The following SLC8B1 variants were observed in gnomAD, a reference collection of about 807,000 sequenced individuals.
The protein encoded by SLC8B1 is solute carrier family 8 member B1.
SLC8B1 carries 52 observed loss-of-function variants against 63.4 expected under a neutral mutation model. The observed-to-expected ratio is 0.82, with a 90% CI of 0.66 to 1.03. The LOEUF is 1.03. Ranked by LOEUF, SLC8B1 falls within the 50% of genes least tolerant of loss-of-function variation. The pLI is 0.00. For missense variants in SLC8B1, 657 were observed against 741.7 expected (o/e 0.89, Z 1.33); for synonymous variants, 336 against 323.9 (o/e 1.04, Z -0.40).
At chr12:113,317,211 C>T (rs1335949337) in intron 8 of SLC8B1, among the ~76,000 whole-genome samples, 3 of 152,144 alleles carry the variant, frequency 2.0e-5, no homozygotes, top group Non-Finnish European at 2.9e-5. Context: ...TCAATCCTCC[C>T]ACCTCAACCT....
Position 113,310,375 on chromosome 12 carries a change from G to C in SLC8B1, c.1136-20C>G. ...CACCATCTGCAAAGGGAGAGAAAGG[G>C]AGCTGATACCTTCCCAGCACCTCAA... On this transcript the variant is annotated intron_variant, in intron 11 of 15. Transcript: ENST00000680972. The C allele has an allele frequency of 1.9e-6, 3 of 1,608,762 alleles. No homozygotes were observed. The highest frequency in any genetic ancestry group is 2.5e-6 in the Non-Finnish European group (3 of 1,178,230).
At chr12:113,317,126 A>T in intron 8 of SLC8B1, 125 bp from the exon 9 acceptor site, 1 of 834,344 alleles carries the variant, frequency 1.2e-6, no homozygotes, top group South Asian at 1.6e-5. Flanking sequence ...TTGGGACAGG[A>T]TCTTTCTCTG....
At position 113,298,958 on chromosome 12, in the gene SLC8B1, C is replaced by G. The variant is rs1250246039; in HGVS notation, c.*819G>C. On this transcript the variant is annotated 3_prime_UTR_variant, in exon 16 of 16. Transcript: ENST00000680972. ...TCCCAGCTCGCAGGCCTTGGAACCC[C>G]GCCCAGGGCCCCGCTGAGGGAGGCA... 6.6e-6 allele frequency: 1 copy of G among 152,290 alleles called. No homozygotes were observed. Among genetic ancestry groups the G allele is most frequent in the South Asian group, 2.1e-4 (1 of 4,838 alleles). 9.4% of individuals were successfully genotyped at this position (152,290 alleles called of 1,614,324 possible).
intron 11 of SLC8B1, among the ~76,000 whole-genome samples, chr12:113,312,945 G>A (rs1030898332): frequency 6.6e-6 from 1 of 151,276 alleles, no homozygotes; most frequent in Non-Finnish European, 1.5e-5. Flanking sequence ...TCACTCTGTC[G>A]CCCAGGCTGG....
At chr12:113,304,298 G>A (rs764450286) in intron 15 of SLC8B1, 23 bp downstream of exon 15, 1 of 1,612,450 alleles carries the variant, frequency 6.2e-7, no homozygotes, top group South Asian at 1.1e-5. Flanking sequence ...ATATACACTT[G>A]TAAACTTACA....
At chr12:113,310,188 C>T in intron 12 of SLC8B1, 46 bp downstream of exon 12, 1 of 1,597,228 alleles carries the variant, frequency 6.3e-7, no homozygotes. Context: ...GTGTGGGAGA[C>T]ATCAGCATCC....
chr12:113,304,303 C>A lies in SLC8B1; in HGVS notation c.1557+18G>T, dbSNP rs754084363. 3 of 1,612,038 alleles carry A rather than the reference C, an allele frequency of 1.9e-6. No homozygotes were observed. In the African/African-American group the frequency reaches 4.0e-5, roughly 22 times the overall value. Reference sequence around the variant, plus strand: ...CATCTTGGTTATATACACTTGTAAACTTACAAGGAATACTCACCTTCACTT... The same window carrying A: ...CATCTTGGTTATATACACTTGTAAAATTACAAGGAATACTCACCTTCACTT... On this transcript the variant is annotated intron_variant, in intron 15 of 15. Transcript: ENST00000680972.
At chr12:113,323,653 G>A (rs566978996) in intron 2 of SLC8B1, among the ~76,000 whole-genome samples, 104 of 152,126 alleles carry the variant, frequency 6.8e-4, no homozygotes, top group Admixed American at 2.7e-3. Flanking sequence ...AGGTTGCAGT[G>A]AGCCAAGATC....
chr12:113,332,403 T>C (rs1957068504), intron 2 of SLC8B1, among the ~76,000 whole-genome samples: 1 of 152,182 alleles, frequency 6.6e-6, no homozygotes, highest in South Asian at 2.1e-4. Flanking sequence ...TTCTGATGAT[T>C]ACAGGCACCT....
chr12:113,318,854 G>T (rs1956880851), intron 8 of SLC8B1, 110 bp downstream of exon 8: 2 of 760,694 alleles, frequency 2.6e-6, no homozygotes, highest in South Asian at 3.2e-5. Flanking sequence ...GCATGAAGAG[G>T]AGATGAGCTT....
chr12:113,306,134 A>T lies in SLC8B1; in HGVS notation c.1492+361T>A, dbSNP rs117400409. On this transcript the variant is annotated intron_variant, in intron 14 of 15. Transcript: ENST00000680972. The stretch of plus-strand genomic sequence containing the variant: ...TTTTAGAAAAAGTCTGCCAACCCTA[A>T]CATAGACCATGACATGTCGCTATGA... Among the ~76,000 whole-genome samples, 46 of 151,348 alleles carry T rather than the reference A, an allele frequency of 3.0e-4. No individual in the cohort carries two copies. In the East Asian group the frequency reaches 8.9e-3, roughly 29 times the overall value.
At chr12:113,311,722 T>A (rs1438519139) in intron 11 of SLC8B1, among the ~76,000 whole-genome samples, 6 of 67,150 alleles carry the variant, frequency 8.9e-5, no homozygotes, top group Admixed American at 3.4e-4. Flanking sequence ...TTTTTTTTTT[T>A]AGACAGGGTC....
intron 11 of SLC8B1, among the ~76,000 whole-genome samples, chr12:113,310,957 A>G (rs182772196): frequency 6.6e-6 from 1 of 152,358 alleles, no homozygotes; most frequent in African/African-American, 2.4e-5. Context: ...TACCTGCATC[A>G]AGACCCTTCT....
chr12:113,312,031 A>G (rs887643196), intron 11 of SLC8B1, among the ~76,000 whole-genome samples: 1 of 152,040 alleles, frequency 6.6e-6, no homozygotes, highest in African/African-American at 2.4e-5. Context: ...CTGAGTGTTA[A>G]GCAGAGAGGG....
At chr12:113,329,421 G>T (rs1294915242) in intron 2 of SLC8B1, among the ~76,000 whole-genome samples, 1 of 152,166 alleles carries the variant, frequency 6.6e-6, no homozygotes, top group African/African-American at 2.4e-5. Flanking sequence ...CTCGGGGTCA[G>T]CTAGGGAGGA....
At chr12:113,319,381 C>T in intron 7 of SLC8B1, 4 of 288,346 alleles carry the variant, frequency 1.4e-5, no homozygotes, top group Non-Finnish European at 2.7e-5. Context: ...AGCCCTGTAG[C>T]TCTGGCTACA....
intron 8 of SLC8B1, among the ~76,000 whole-genome samples, chr12:113,318,439 GTA>G (rs1956873135): frequency 6.6e-6 from 1 of 151,012 alleles, no homozygotes; most frequent in Admixed American, 6.6e-5. Context: ...GTGTATACAC[GTA>G]TGTGTATGTG....
intron 2 of SLC8B1, among the ~76,000 whole-genome samples, chr12:113,328,292 G>C (rs73192859): frequency 2.6e-5 from 4 of 152,152 alleles, no homozygotes; most frequent in African/African-American, 9.7e-5. Context: ...GCCTTCCAAC[G>C]TGCTGGGATT....
Position 113,315,322 on chromosome 12 carries a change from A to G in SLC8B1, c.1135+13T>C. ...GTAGGAAGGTGGGTTGGCCCGGGGTAGGGGATACTCACAGGTCCCCGACTG... is the reference window on the plus strand; with the variant it reads ...GTAGGAAGGTGGGTTGGCCCGGGGTGGGGGATACTCACAGGTCCCCGACTG... On this transcript the variant is annotated intron_variant, in intron 11 of 15. Coordinates refer to ENST00000680972, the MANE Select transcript of SLC8B1 (RefSeq NM_001358345.2). 1.3e-6 allele frequency: 2 copies of G among 1,519,184 alleles called. No individual in the cohort carries two copies. Among genetic ancestry groups the G allele is most frequent in the Non-Finnish European group, 1.8e-6 (2 of 1,128,370 alleles). The allele number at this position is 1,519,184 out of a possible 1,614,324, so 94.1% of individuals were successfully genotyped here. A position where few individuals can be genotyped will look rare whatever the true frequency, so the allele number is the denominator to read the frequency against.
Sources: allele counts gnomAD v4.1 joint callset (sites outside exome capture counted in the v4.1 genomes callset), GRCh38; gene constraint gnomAD v4.1.1; transcripts MANE v1.5; gene names NCBI Gene and HGNC (gene_info 2026-07-23, HGNC 2026-07-21).